The following PRKCE variants were observed in gnomAD, a reference collection of about 807,000 sequenced individuals.
PRKCE encodes protein kinase C epsilon.
A neutral mutation model predicts 85.4 loss-of-function variants in PRKCE; 16 were observed. The observed-to-expected ratio is 0.19, with a 90% CI of 0.13 to 0.28. The LOEUF (loss-of-function observed/expected upper bound fraction) is 0.28, where lower values mean the gene tolerates loss of function less well. Ranked by LOEUF, PRKCE falls within the 10% of genes least tolerant of loss-of-function variation. The pLI is 1.00. For missense variants in PRKCE, 573 were observed against 975.2 expected, an observed-to-expected ratio of 0.59 and a Z score of 5.49; for synonymous variants, 388 against 371.5, an observed-to-expected ratio of 1.04 and a Z score of -0.51.
rs1345422351 is a variant in PRKCE at position 46,155,069 on chromosome 2, G to A, written c.1920+3840G>A. Among the ~76,000 whole-genome samples the A allele has an allele frequency of 6.6e-6, 1 of 152,170 alleles. No individual in the cohort carries two copies. The highest frequency in any genetic ancestry group is 1.5e-5 in the Non-Finnish European group (1 of 68,040). The stretch of plus-strand genomic sequence containing the variant: ...GTTAAATGCCTGCAAGAGCCCAGCA[G>A]GAGCTGTGGAAGGTGAACAGGACTG... On this transcript the variant is annotated intron_variant, in intron 13 of 14. Transcript: ENST00000306156. The surrounding 1 kb of genome is among the most constrained non-coding windows in gnomAD (Gnocchi z 4.7).
At chr2:45,922,007 T>C (rs1329882466) in intron 2 of PRKCE, among the ~76,000 whole-genome samples, 3 of 152,164 alleles carry the variant, frequency 2.0e-5, no homozygotes, top group Non-Finnish European at 4.4e-5. Flanking sequence ...AGATTACAGG[T>C]GGGCAGGCAC....
At chr2:45,856,528 C>T (rs916006116) in intron 2 of PRKCE, among the ~76,000 whole-genome samples, 1 of 152,196 alleles carries the variant, frequency 6.6e-6, no homozygotes, top group Non-Finnish European at 1.5e-5. Flanking sequence ...ATGTGCCTGG[C>T]GCATTTATCA....
At chr2:45,957,445 A>G (rs1442131132) in intron 2 of PRKCE, among the ~76,000 whole-genome samples, 4 of 151,868 alleles carry the variant, frequency 2.6e-5, no homozygotes, top group African/African-American at 9.7e-5. Flanking sequence ...TAATTTCTGG[A>G]CTCTATTCTG....
intron 2 of PRKCE, among the ~76,000 whole-genome samples, chr2:45,903,895 G>T (rs4953289): frequency 0.04 from 3,307 of 81,724 alleles, 204 homozygotes; most frequent in African/African-American, 0.092. Flanking sequence ...TTTTTTGTTT[G>T]TTTGTTTGTT....
chr2:45,692,586 A>G (rs185946639), intron 1 of PRKCE, among the ~76,000 whole-genome samples: 5 of 152,254 alleles, frequency 3.3e-5, no homozygotes, highest in East Asian at 1.9e-4. Context: ...AGGGGACACA[A>G]TTCAACCCAT....
chr2:45,850,881 G>A (rs1692191778), intron 2 of PRKCE, among the ~76,000 whole-genome samples: 1 of 152,152 alleles, frequency 6.6e-6, no homozygotes, highest in African/African-American at 2.4e-5. Context: ...TCATTTATTT[G>A]CTTATCTAAT....
rs867926715 is a variant in PRKCE at position 45,869,708 on chromosome 2, T to C, written c.412+26645T>C. Among the ~76,000 whole-genome samples, 363 of 92,580 alleles carry C rather than the reference T, an allele frequency of 3.9e-3. 1 individual carries two copies. The highest frequency in any genetic ancestry group is 0.012 in the African/African-American group (348 of 28,010). 60.7% of individuals were successfully genotyped at this position (92,580 alleles called of 152,430 possible). ...TTTTTGTTTTTGTTTCTCTCTCTCT[T>C]TTTTTTTTTTTTTTTTTGAGTTGGT... On this transcript the variant is annotated intron_variant, in intron 2 of 14. Transcript: ENST00000306156.
At chr2:46,142,529 C>G (rs1365090509) in intron 11 of PRKCE, among the ~76,000 whole-genome samples, 2 of 152,226 alleles carry the variant, frequency 1.3e-5, no homozygotes, top group African/African-American at 2.4e-5. Flanking sequence ...CTTCAGGCCT[C>G]AGTGGCAAGA....
At chr2:45,840,836 C>A (rs919424039) in intron 1 of PRKCE, among the ~76,000 whole-genome samples, 1 of 152,132 alleles carries the variant, frequency 6.6e-6, no homozygotes, top group African/African-American at 2.4e-5. Flanking sequence ...TCCAGCTGGT[C>A]GCTTTGTCTC....
intron 1 of PRKCE, among the ~76,000 whole-genome samples, chr2:45,746,515 T>C (rs1683149130): frequency 6.6e-6 from 1 of 152,248 alleles, no homozygotes; most frequent in African/African-American, 2.4e-5. Flanking sequence ...CCCTATTCTG[T>C]AGCTGATCAG....
chr2:45,962,387 T>C (rs1701442377), intron 2 of PRKCE, among the ~76,000 whole-genome samples: 1 of 152,232 alleles, frequency 6.6e-6, no homozygotes, highest in Non-Finnish European at 1.5e-5. Flanking sequence ...CTACTTTTAC[T>C]TCATTAGCAC....
chr2:46,022,559 A>G (rs1706756574), intron 10 of PRKCE, among the ~76,000 whole-genome samples: 1 of 152,188 alleles, frequency 6.6e-6, no homozygotes, highest in Admixed American at 6.5e-5. Flanking sequence ...TGTAACCCGA[A>G]TTTTTCAAAG....
At chr2:46,022,356 A>T (rs1706741037) in intron 10 of PRKCE, among the ~76,000 whole-genome samples, 1 of 152,214 alleles carries the variant, frequency 6.6e-6, no homozygotes, top group South Asian at 2.1e-4. Context: ...ATTGGGAAAT[A>T]CGCATGGTAT....
At chr2:45,904,720 C>T (rs1276043415) in intron 2 of PRKCE, among the ~76,000 whole-genome samples, 1 of 152,232 alleles carries the variant, frequency 6.6e-6, no homozygotes, top group Non-Finnish European at 1.5e-5. Flanking sequence ...ACCGTCTCCC[C>T]CGGTTGCCTG....
chr2:46,174,690 G>T (rs1453908968), intron 14 of PRKCE, among the ~76,000 whole-genome samples: 1 of 151,926 alleles, frequency 6.6e-6, no homozygotes, highest in Admixed American at 6.6e-5. Flanking sequence ...GAGATATGAT[G>T]CTTTTTAATT....
intron 10 of PRKCE, among the ~76,000 whole-genome samples, chr2:46,083,019 C>G (rs554458157): frequency 2.0e-5 from 3 of 152,322 alleles, no homozygotes; most frequent in African/African-American, 7.2e-5. Flanking sequence ...GCAATCTCAG[C>G]TCACTGCAAC....
At chr2:45,962,628 CT>C (rs1701456820) in intron 2 of PRKCE, among the ~76,000 whole-genome samples, 1 of 152,188 alleles carries the variant, frequency 6.6e-6, no homozygotes, top group African/African-American at 2.4e-5. Flanking sequence ...AGTGACTATT[CT>C]TTTCCCAACA....
At chr2:46,017,779 A>G (rs937460698) in intron 10 of PRKCE, among the ~76,000 whole-genome samples, 2 of 152,162 alleles carry the variant, frequency 1.3e-5, no homozygotes, top group African/African-American at 4.8e-5. Context: ...TTATAGTTTT[A>G]ATGTGCATTT....
chr2:45,706,278 A>G (rs943890110), intron 1 of PRKCE, among the ~76,000 whole-genome samples: 4 of 152,200 alleles, frequency 2.6e-5, no homozygotes, highest in African/African-American at 7.2e-5. Context: ...ATTACACAGG[A>G]TTGCCTTAGA....
Sources: gnomAD v4.1 joint callset for allele counts (sites outside exome capture counted in the v4.1 genomes callset) on GRCh38, gnomAD v4.1.1 for gene constraint, Gnocchi (gnomAD v3.1) non-coding constraint, MANE v1.5 for transcripts, NCBI Gene and HGNC (gene_info 2026-07-23, HGNC 2026-07-21) for gene names.